AGBL1: variants seen among roughly 807,000 people sequenced by gnomAD.
AGBL1 encodes the protein cytosolic carboxypeptidase 4.
In AGBL1, 130 loss-of-function variants were observed where a neutral mutation model predicts 118.9. The observed-to-expected ratio is 1.09, with a 90% confidence interval of 0.95 to 1.26. The LOEUF (loss-of-function observed/expected upper bound fraction) is 1.26, where lower values mean the gene tolerates loss of function less well. Ranked by LOEUF, AGBL1 falls within the 50% of genes most tolerant of loss-of-function variation. AGBL1 has a pLI of 0.00. For missense variants in AGBL1, 1,584 were observed against 1,298.1 expected (o/e 1.22, Z -3.38); for synonymous variants, 555 against 478.9 (o/e 1.16, Z -2.08).
intron 22 of AGBL1, among the ~76,000 whole-genome samples, chr15:86,836,098 A>G (rs1288414395): frequency 6.6e-6 from 1 of 152,194 alleles, no homozygotes; most frequent in Non-Finnish European, 1.5e-5. Context: ...CAAACATGAG[A>G]GGCAGAAGTT....
At chr15:86,369,132 T>G (rs1024308797) in intron 17 of AGBL1, among the ~76,000 whole-genome samples, 1 of 152,086 alleles carries the variant, frequency 6.6e-6, no homozygotes, top group East Asian at 1.9e-4. Context: ...GCAAGAAGAA[T>G]AATAAACAAG....
chr15:86,822,637 C>A (rs2078957026), intron 22 of AGBL1, among the ~76,000 whole-genome samples: 1 of 152,020 alleles, frequency 6.6e-6, no homozygotes, highest in African/African-American at 2.4e-5. Context: ...CCCTAAAAGT[C>A]CAAGGAAGCT....
chr15:86,406,115 C>T (rs17671129), intron 18 of AGBL1, among the ~76,000 whole-genome samples: 1,841 of 152,270 alleles, frequency 0.012, 25 homozygotes, highest in Non-Finnish European at 0.017. Context: ...AATGCTGGTA[C>T]TATGGGAGCT....
intron 23 of AGBL1, among the ~76,000 whole-genome samples, chr15:86,942,673 A>G (rs2080768189): frequency 6.6e-6 from 1 of 152,114 alleles, no homozygotes; most frequent in South Asian, 2.1e-4. Flanking sequence ...ACTTTATCTT[A>G]CTGAGCGTTT....
Position 86,616,339 on chromosome 15 carries a change from C to CAAAAAAAAAAAAA in AGBL1, c.2995-57913_2995-57901dup, listed in dbSNP as rs199936794. 1.9e-3 allele frequency among the ~76,000 whole-genome samples: 94 copies of CAAAAAAAAAAAAA among 49,244 alleles called. 3 individuals carry two copies. Among genetic ancestry groups the CAAAAAAAAAAAAA allele is most frequent in the African/African-American group, 6.3e-3 (89 of 14,022 alleles). 32.3% of individuals were successfully genotyped at this position (49,244 alleles called of 152,430 possible). On this transcript the variant is annotated intron_variant, in intron 21 of 22. Transcript: ENST00000614907. ...GTGACAGAGCAAGACTCCTCCACTT[C>CAAAAAAAAAAAAA]AAAAAAAAAAAAAAAAAAAAAAAAA...
chr15:86,801,471 G>T (rs1386313230), intron 22 of AGBL1, among the ~76,000 whole-genome samples: 1 of 151,828 alleles, frequency 6.6e-6, no homozygotes, highest in Non-Finnish European at 1.5e-5. Flanking sequence ...TATTTTACCT[G>T]CCCATGGACC....
At chr15:86,852,865 A>G (rs1397077041) in intron 22 of AGBL1, among the ~76,000 whole-genome samples, 3 of 152,228 alleles carry the variant, frequency 2.0e-5, no homozygotes, top group African/African-American at 4.8e-5. Flanking sequence ...ATTAGAATCA[A>G]CTGGGGAACT....
intron 17 of AGBL1, among the ~76,000 whole-genome samples, chr15:86,353,102 G>C (rs542611530): frequency 1.1e-4 from 16 of 152,164 alleles, no homozygotes; most frequent in Non-Finnish European, 2.4e-4. Flanking sequence ...TGACCAAAAC[G>C]TTTAGATGTG....
At chr15:86,311,478 C>A (rs565695808) in intron 17 of AGBL1, among the ~76,000 whole-genome samples, 1 of 152,050 alleles carries the variant, frequency 6.6e-6, no homozygotes, top group Middle Eastern at 3.2e-3. Flanking sequence ...GAAAAGAATA[C>A]GCTTTCTTTT....
intron 18 of AGBL1, among the ~76,000 whole-genome samples, chr15:86,506,238 A>G (rs1173419843): frequency 2.0e-5 from 3 of 152,024 alleles, no homozygotes; most frequent in African/African-American, 7.2e-5. Context: ...TTTCCTGAGC[A>G]TGCACATAGC....
chr15:86,529,586 C>G (rs2142215727), intron 19 of AGBL1, among the ~76,000 whole-genome samples: 1 of 120,752 alleles, frequency 8.3e-6, no homozygotes, highest in Admixed American at 7.4e-5. Context: ...GGCCAACATT[C>G]AGATTCAGGA....
chr15:86,119,751 G>A (rs543920958), intron 1 of AGBL1, among the ~76,000 whole-genome samples: 14 of 152,152 alleles, frequency 9.2e-5, no homozygotes, highest in Admixed American at 9.2e-4. Context: ...GTATGACTGT[G>A]CAGACTGCAA....
intron 24 of AGBL1, among the ~76,000 whole-genome samples, chr15:87,006,297 C>A (rs1045890241): frequency 6.6e-6 from 1 of 152,176 alleles, no homozygotes; most frequent in African/African-American, 2.4e-5. Context: ...GAGGTGGAGT[C>A]TACAGAGGCA....
intron 21 of AGBL1, among the ~76,000 whole-genome samples, chr15:86,649,707 T>G (rs1246575561): frequency 1.1e-4 from 17 of 150,402 alleles, no homozygotes; most frequent in Admixed American, 1.1e-3. Context: ...ATTTGGGTTT[T>G]TTTTCTTTTT....
At chr15:86,361,022 CT>C (rs35817677) in intron 17 of AGBL1, among the ~76,000 whole-genome samples, 6,402 of 151,406 alleles carry the variant, frequency 0.042, 273 homozygotes, top group East Asian at 0.21. Flanking sequence ...TAATTTTGAT[CT>C]TTTTTAAAAA....
chr15:87,007,664 C>A (rs370782380), intron 24 of AGBL1, among the ~76,000 whole-genome samples: 58 of 152,152 alleles, frequency 3.8e-4, no homozygotes, highest in African/African-American at 1.3e-3. Flanking sequence ...AATAACTGGG[C>A]AACAAAAAGA....
intron 18 of AGBL1, among the ~76,000 whole-genome samples, chr15:86,409,515 G>A (rs2081581368): frequency 6.6e-6 from 1 of 152,046 alleles, no homozygotes. Flanking sequence ...GACTCCATTT[G>A]CCTTCCTCAG....
At chr15:86,718,587 T>C (rs1221484653) in intron 22 of AGBL1, among the ~76,000 whole-genome samples, 1 of 152,010 alleles carries the variant, frequency 6.6e-6, no homozygotes, top group Non-Finnish European at 1.5e-5. Context: ...CAATGCAGCT[T>C]AACAAAGCGG....
chr15:86,622,468 A>T (rs1287551400), intron 21 of AGBL1, among the ~76,000 whole-genome samples: 1 of 152,204 alleles, frequency 6.6e-6, no homozygotes, highest in Admixed American at 6.5e-5. Flanking sequence ...CATCATGGAA[A>T]GATATAAAAT....
Sources: allele counts gnomAD v4.1 joint callset (sites outside exome capture counted in the v4.1 genomes callset), GRCh38; gene constraint gnomAD v4.1.1; transcripts MANE v1.5; gene names NCBI Gene and HGNC (gene_info 2026-07-23, HGNC 2026-07-21).